Variants in XKR6 observed in about 807,000 individuals in gnomAD.
The protein encoded by XKR6 is XK related 6, also known as XK-related protein 6.
Under a neutral mutation model 56.7 loss-of-function variants are expected in XKR6, and 22 were observed. The observed-to-expected ratio is 0.39, with a 90% CI of 0.28 to 0.55. XKR6 has a LOEUF of 0.55. Ranked by LOEUF, XKR6 falls within the 20% of genes least tolerant of loss-of-function variation. The pLI is 0.66. For synonymous variants in XKR6, 524 were observed against 387.8 expected (o/e 1.35, Z -4.13); for missense variants, 852 against 889.0 (o/e 0.96, Z 0.53).
intron 1 of XKR6, among the ~76,000 whole-genome samples, chr8:11,181,589 G>A (rs1054461185): frequency 6.6e-6 from 1 of 152,096 alleles, no homozygotes; most frequent in African/African-American, 2.4e-5. Context: ...AGCAAGGTTT[G>A]TTTTGTATAT....
chr8:11,135,248 C>A (rs1260940627), intron 1 of XKR6, among the ~76,000 whole-genome samples: 8 of 152,098 alleles, frequency 5.3e-5, no homozygotes, highest in African/African-American at 1.9e-4. Context: ...CCAGGATGGT[C>A]TTGATCTCCT....
chr8:10,912,306 G>GTGTA (rs1554508422), intron 2 of XKR6, among the ~76,000 whole-genome samples: 1 of 55,222 alleles, frequency 1.8e-5, no homozygotes, highest in Admixed American at 2.7e-4. Context: ...AAGAGAGGGT[G>GTGTA]TATATATATA....
intron 1 of XKR6, among the ~76,000 whole-genome samples, chr8:10,944,503 G>A (rs1586335974): frequency 6.6e-6 from 1 of 152,162 alleles, no homozygotes; most frequent in East Asian, 1.9e-4. Flanking sequence ...AGGGCAGGGT[G>A]CCCCACACCC....
intron 1 of XKR6, among the ~76,000 whole-genome samples, chr8:10,984,000 C>A (rs1028086753): frequency 6.6e-6 from 1 of 152,002 alleles, no homozygotes; most frequent in Admixed American, 6.6e-5. Context: ...ACATCAAACT[C>A]CCCAAAATAA....
intron 1 of XKR6, among the ~76,000 whole-genome samples, chr8:11,140,464 C>T (rs1361368218): frequency 6.6e-6 from 1 of 151,968 alleles, no homozygotes; most frequent in East Asian, 1.9e-4. Flanking sequence ...ACAGTTTATG[C>T]CAGAAGGAAA....
intron 1 of XKR6, among the ~76,000 whole-genome samples, chr8:11,121,928 C>G (rs529706128): frequency 6.6e-6 from 1 of 152,120 alleles, no homozygotes; most frequent in South Asian, 2.1e-4. Context: ...AGCAAACTAT[C>G]GCCAGGACAA....
intron 1 of XKR6, among the ~76,000 whole-genome samples, chr8:11,018,981 G>A (rs1406288384): frequency 1.3e-5 from 2 of 152,218 alleles, no homozygotes; most frequent in Middle Eastern, 3.4e-3. Context: ...CCCTAGCTCC[G>A]TGTTCACTTC....
intron 2 of XKR6, among the ~76,000 whole-genome samples, chr8:10,918,205 G>T (rs759439314): frequency 3.3e-5 from 5 of 152,156 alleles, no homozygotes; most frequent in Non-Finnish European, 5.9e-5. Context: ...GAGCTGGAGG[G>T]TCCTTGTCCT....
At chr8:11,064,064 G>A (rs974362638) in intron 1 of XKR6, among the ~76,000 whole-genome samples, 8 of 152,058 alleles carry the variant, frequency 5.3e-5, no homozygotes, top group Non-Finnish European at 7.4e-5. Flanking sequence ...TTTCTACTGC[G>A]TTTGGGTTCT....
intron 1 of XKR6, among the ~76,000 whole-genome samples, chr8:11,038,497 TTGTG>T (rs34388531): frequency 0.096 from 12,431 of 129,834 alleles, 505 homozygotes; most frequent in Middle Eastern, 0.12. Flanking sequence ...TGTAGTCATT[TTGTG>T]TGTGTGTGTG....
At chr8:11,020,724 C>G (rs1468012031) in intron 1 of XKR6, among the ~76,000 whole-genome samples, 5 of 152,194 alleles carry the variant, frequency 3.3e-5, no homozygotes, top group Admixed American at 3.3e-4. Flanking sequence ...ACTCTTACGC[C>G]TTTTTCCTAA....
intron 1 of XKR6, among the ~76,000 whole-genome samples, chr8:11,148,532 AAC>A (rs757577655): frequency 2.0e-5 from 3 of 152,240 alleles, no homozygotes; most frequent in Non-Finnish European, 4.4e-5. Flanking sequence ...CTAGCAAACA[AAC>A]ACAGAAAGGA....
rs560802011 is a variant in XKR6, at chr8:11,140,493, A to G, written c.764+60083T>C. ...AAGGAAACAGAGAAAGAGAGTTAAGATACTTAAGGAAAGAAAATACAAGCC... is the reference window on the plus strand; with the variant it reads ...AAGGAAACAGAGAAAGAGAGTTAAGGTACTTAAGGAAAGAAAATACAAGCC... On this transcript the variant is annotated intron_variant, in intron 1 of 2. Transcript: ENST00000416569. Among the ~76,000 whole-genome samples, 5 of 152,314 alleles carry G rather than the reference A, an allele frequency of 3.3e-5. 1 individual carries two copies. The South Asian group carries it at 1.0e-3, about 32-fold the overall frequency.
At chr8:11,032,985 T>C (rs1421715109) in intron 1 of XKR6, among the ~76,000 whole-genome samples, 2 of 152,140 alleles carry the variant, frequency 1.3e-5, no homozygotes, top group Non-Finnish European at 2.9e-5. Context: ...ATAATGGTGA[T>C]GGTTGTGATG....
chr8:10,956,994 A>G (rs1256903395), intron 1 of XKR6, among the ~76,000 whole-genome samples: 1 of 152,146 alleles, frequency 6.6e-6, no homozygotes, highest in Non-Finnish European at 1.5e-5. Flanking sequence ...TGTGTCACCC[A>G]GGCTTGAGTG....
At chr8:10,997,104 T>C (rs921923908) in intron 1 of XKR6, among the ~76,000 whole-genome samples, 2 of 152,240 alleles carry the variant, frequency 1.3e-5, no homozygotes, top group African/African-American at 2.4e-5. Flanking sequence ...GGTCATTCAG[T>C]GTCCTCATTA....
intron 1 of XKR6, among the ~76,000 whole-genome samples, chr8:11,163,372 T>C (rs1216190689): frequency 1.3e-5 from 2 of 151,890 alleles, no homozygotes; most frequent in African/African-American, 4.9e-5. Context: ...GCAGGGAAAA[T>C]GTGACTGGCA....
intron 1 of XKR6, among the ~76,000 whole-genome samples, chr8:11,193,134 T>C (rs922340577): frequency 3.3e-5 from 5 of 152,166 alleles, no homozygotes; most frequent in East Asian, 1.9e-4. Flanking sequence ...GAAAACAATA[T>C]GTAGCTCTCT....
At chr8:11,035,940 T>A (rs1341617262) in intron 1 of XKR6, among the ~76,000 whole-genome samples, 2 of 60,242 alleles carry the variant, frequency 3.3e-5, no homozygotes, top group East Asian at 2.7e-4. Context: ...TGTGAAAGTC[T>A]TTTTTTTTTT....
Sources: gnomAD v4.1 joint callset for allele counts (sites outside exome capture counted in the v4.1 genomes callset) on GRCh38, gnomAD v4.1.1 for gene constraint, MANE v1.5 for transcripts, NCBI Gene and HGNC (gene_info 2026-07-23, HGNC 2026-07-21) for gene names.